Variants in CCDC102B observed in about 807,000 individuals in gnomAD.
CCDC102B encodes the protein coiled-coil domain containing 102B, also known as coiled-coil domain-containing protein 102B.
Under a neutral mutation model 57.4 loss-of-function variants are expected in CCDC102B, and 75 were observed. The observed-to-expected ratio is 1.31, with a 90% CI of 1.08 to 1.58. The LOEUF is 1.58. CCDC102B is among the 40% of genes most tolerant of loss of function. CCDC102B has a pLI of 0.00. For missense variants in CCDC102B, 636 were observed against 582.6 expected (o/e 1.09, Z -0.94); for synonymous variants, 206 against 201.9 (o/e 1.02, Z -0.17).
At chr18:68,949,349 A>G (rs962261187) in intron 6 of CCDC102B, among the ~76,000 whole-genome samples, 33 of 152,246 alleles carry the variant, frequency 2.2e-4, no homozygotes, top group African/African-American at 7.5e-4. Context: ...TTTGGATAGG[A>G]GAGTTGGGGA....
At chr18:68,908,404 A>C (rs1411607073) in intron 6 of CCDC102B, 3 of 152,186 alleles carry the variant, frequency 2.0e-5, no homozygotes, top group Admixed American at 6.5e-5. Flanking sequence ...GAGTTCTGAC[A>C]AAGTGGATTG....
At chr18:68,864,638 T>G (rs1280321435) in intron 4 of CCDC102B, among the ~76,000 whole-genome samples, 1 of 152,056 alleles carries the variant, frequency 6.6e-6, no homozygotes, top group African/African-American at 2.4e-5. Flanking sequence ...TACTTCATTG[T>G]CAGTAGCATA....
At chr18:68,881,915 A>G (rs1001293260) in intron 5 of CCDC102B, among the ~76,000 whole-genome samples, 2 of 152,192 alleles carry the variant, frequency 1.3e-5, no homozygotes, top group African/African-American at 4.8e-5. Flanking sequence ...ATTTATTTGT[A>G]CATTTTTGAG....
chr18:68,852,575 G>A (rs1410223098), intron 4 of CCDC102B, among the ~76,000 whole-genome samples: 1 of 152,008 alleles, frequency 6.6e-6, no homozygotes, highest in Non-Finnish European at 1.5e-5. Context: ...TTTGGCACCT[G>A]GCAAATTCAA....
At chr18:68,892,796 A>C (rs1350626729) in intron 5 of CCDC102B, among the ~76,000 whole-genome samples, 1 of 152,230 alleles carries the variant, frequency 6.6e-6, no homozygotes, top group Non-Finnish European at 1.5e-5. Flanking sequence ...CTGAAAGATA[A>C]ACACATTCAA....
intron 2 of CCDC102B, among the ~76,000 whole-genome samples, chr18:68,778,340 A>T (rs1157677859): frequency 3.3e-5 from 5 of 152,138 alleles, no homozygotes; most frequent in Admixed American, 3.3e-4. Context: ...TTAGGAATTC[A>T]TATTTGATTT....
At position 68,857,320 on chromosome 18, in the gene CCDC102B, T is replaced by TAA. The variant is rs1568293206; in HGVS notation, c.936+10900_936+10901insAA. 1.1e-3 allele frequency among the ~76,000 whole-genome samples: 20 copies of TAA among 18,236 alleles called. 3 individuals carry two copies. Among genetic ancestry groups the TAA allele is most frequent in the Admixed American group, 5.8e-3 (5 of 864 alleles). The allele number at this position is 18,236 out of a possible 152,430, so 12.0% of individuals were successfully genotyped here. ...ATATATATAATATATATTTATATAT[T>TAA]ATATATATAAAATATATATTTATAT... On this transcript the variant is annotated intron_variant, in intron 4 of 7. Transcript: ENST00000360242.
chr18:68,726,741 C>G (rs998240747), intron 2 of CCDC102B, among the ~76,000 whole-genome samples: 1 of 152,146 alleles, frequency 6.6e-6, no homozygotes, highest in Admixed American at 6.6e-5. Flanking sequence ...TGAGGCAGAT[C>G]TAGATGCAAT....
chr18:68,837,421 A>T, intron 2 of CCDC102B, 52 bp downstream of exon 2: 1 of 1,521,680 alleles, frequency 6.6e-7, no homozygotes, highest in Non-Finnish European at 8.9e-7. Context: ...ATATATAGTG[A>T]TGGGGAGGAA....
intron 6 of CCDC102B, among the ~76,000 whole-genome samples, chr18:68,954,226 C>A (rs138222906): frequency 8.0e-4 from 122 of 152,246 alleles, no homozygotes; most frequent in Non-Finnish European, 1.5e-3. Flanking sequence ...TTGAGACCAG[C>A]TTTGCCAACA....
At chr18:69,034,607 C>T (rs1026197494) in intron 7 of CCDC102B, among the ~76,000 whole-genome samples, 3 of 151,810 alleles carry the variant, frequency 2.0e-5, no homozygotes, top group African/African-American at 7.2e-5. Context: ...TTGTCTTGAG[C>T]ACTATAGCTT....
intron 6 of CCDC102B, among the ~76,000 whole-genome samples, chr18:68,980,899 T>G (rs1000786238): frequency 7.2e-5 from 11 of 151,986 alleles, no homozygotes; most frequent in Non-Finnish European, 1.6e-4. Context: ...TGGTGAGTTT[T>G]GGGCAGAGGA....
intron 6 of CCDC102B, among the ~76,000 whole-genome samples, chr18:68,928,822 AT>A (rs777244324): frequency 2.8e-4 from 42 of 151,958 alleles, no homozygotes; most frequent in Middle Eastern, 3.4e-3. Context: ...TGGCAGCTGG[AT>A]TTTAAAGAGG....
At chr18:68,815,515 A>T (rs1265321527) in intron 1 of CCDC102B, among the ~76,000 whole-genome samples, 1 of 152,204 alleles carries the variant, frequency 6.6e-6, no homozygotes, top group Non-Finnish European at 1.5e-5. Context: ...ATAGACTGGC[A>T]TGGAAACACA....
At chr18:68,788,710 A>G (rs1332034364) in intron 2 of CCDC102B, among the ~76,000 whole-genome samples, 7 of 148,036 alleles carry the variant, frequency 4.7e-5, no homozygotes, top group Admixed American at 4.7e-4. Flanking sequence ...TTTTATTTTG[A>G]GCCTATGTGT....
chr18:68,886,500 C>T (rs1175827667), intron 5 of CCDC102B, among the ~76,000 whole-genome samples: 1 of 152,040 alleles, frequency 6.6e-6, no homozygotes, highest in African/African-American at 2.4e-5. Flanking sequence ...AAGAAATCTT[C>T]AATTGAACTT....
chr18:68,971,012 G>A (rs139340226), intron 6 of CCDC102B, among the ~76,000 whole-genome samples: 120 of 152,042 alleles, frequency 7.9e-4, no homozygotes, highest in Middle Eastern at 3.4e-3. Flanking sequence ...AGTCAAGGTA[G>A]CCATGTTCAA....
intron 6 of CCDC102B, among the ~76,000 whole-genome samples, chr18:68,973,130 A>G (rs902798454): frequency 5.3e-5 from 8 of 152,112 alleles, no homozygotes; most frequent in African/African-American, 1.9e-4. Flanking sequence ...TTAATCCTTA[A>G]ATAGTCTGAC....
chr18:68,914,989 GAGAGAGACAGACAGAA>G (rs1323940066), intron 6 of CCDC102B, among the ~76,000 whole-genome samples: 2 of 151,722 alleles, frequency 1.3e-5, no homozygotes, highest in African/African-American at 4.8e-5. Flanking sequence ...GAGAGAGAGA[GAGAGAGACAGACAGAA>G]AGAGAGAGAG....
Sources: gnomAD v4.1 joint callset for allele counts (sites outside exome capture counted in the v4.1 genomes callset) on GRCh38, gnomAD v4.1.1 for gene constraint, MANE v1.5 for transcripts, NCBI Gene and HGNC (gene_info 2026-07-23, HGNC 2026-07-21) for gene names.